The following CEP128 variants were observed in gnomAD, a reference collection of about 807,000 sequenced individuals.
CEP128 encodes the protein centrosomal protein 128.
Under a neutral mutation model 156.7 loss-of-function variants are expected in CEP128, and 132 were observed. That is an observed-to-expected ratio of 0.84 (90% CI 0.73 to 0.97). The LOEUF (loss-of-function observed/expected upper bound fraction) is 0.97. Ranked by LOEUF, CEP128 falls within the 50% of genes least tolerant of loss-of-function variation. The pLI is 0.00. For synonymous variants in CEP128, 469 were observed against 448.9 expected (o/e 1.04, Z -0.57); for missense variants, 1,252 against 1,281.9 (o/e 0.98, Z 0.36).
chr14:80,583,905 T>C (rs566719774), intron 19 of CEP128, among the ~76,000 whole-genome samples: 4 of 152,308 alleles, frequency 2.6e-5, no homozygotes, highest in Admixed American at 2.6e-4. Context: ...ACAACAAATA[T>C]ATGAAGACAT....
In CEP128 at chr14:80,567,001, T is replaced by C. The variant is rs143203257; in HGVS notation, c.2857-7699A>G. Among the ~76,000 whole-genome samples, 30 of 152,258 alleles carry C rather than the reference T, an allele frequency of 2.0e-4. No individual in the cohort carries two copies. In the East Asian group the frequency reaches 4.6e-3, roughly 23 times the overall value. Reference sequence around the variant, plus strand: ...CAGGGAAGCCCAATAATGGTCCTTGTTGCCTGATTTTCAACCTGGGTGTGG... The same window carrying C: ...CAGGGAAGCCCAATAATGGTCCTTGCTGCCTGATTTTCAACCTGGGTGTGG... On this transcript the variant is annotated intron_variant, in intron 20 of 24. Coordinates refer to ENST00000555265, the MANE Select transcript of CEP128 (RefSeq NM_152446.5).
intron 15 of CEP128, among the ~76,000 whole-genome samples, chr14:80,779,674 C>G (rs1265736537): frequency 6.6e-6 from 1 of 152,186 alleles, no homozygotes; most frequent in Non-Finnish European, 1.5e-5. Flanking sequence ...AAGGGGTATT[C>G]AGAACCCCCA....
At chr14:80,592,584 G>T (rs1014790155) in intron 19 of CEP128, among the ~76,000 whole-genome samples, 1 of 152,142 alleles carries the variant, frequency 6.6e-6, no homozygotes, top group East Asian at 1.9e-4. Context: ...AGAGGAGCTG[G>T]TACCATTCCT....
chr14:80,730,448 C>T (rs1444323939), intron 19 of CEP128, among the ~76,000 whole-genome samples: 1 of 152,158 alleles, frequency 6.6e-6, no homozygotes, highest in African/African-American at 2.4e-5. Context: ...AAGGGCAACT[C>T]CTGTACCATT....
chr14:80,816,534 G>T (rs79262411), intron 13 of CEP128, among the ~76,000 whole-genome samples: 6,079 of 152,288 alleles, frequency 0.04, 163 homozygotes, highest in Non-Finnish European at 0.064. Context: ...TGCCCAGCCA[G>T]CACCCTACTT....
intron 23 of CEP128, among the ~76,000 whole-genome samples, chr14:80,524,765 A>G (rs2140258161): frequency 6.6e-6 from 1 of 152,314 alleles, no homozygotes; most frequent in South Asian, 2.1e-4. Context: ...GCTAAAATGT[A>G]TCTGTTTTAA....
At chr14:80,894,671 C>G in intron 8 of CEP128, 1 of 401,334 alleles carries the variant, frequency 2.5e-6, no homozygotes, top group Non-Finnish European at 4.9e-6. Flanking sequence ...AGGCTCTTCA[C>G]AAAAAACTTA....
chr14:80,951,899 A>G (rs1886473667), intron 2 of CEP128, among the ~76,000 whole-genome samples: 1 of 152,122 alleles, frequency 6.6e-6, no homozygotes, highest in Non-Finnish European at 1.5e-5. Flanking sequence ...CACAAGGTAT[A>G]AAGAAGGCCA....
At chr14:80,685,483 T>C (rs1485962852) in intron 19 of CEP128, among the ~76,000 whole-genome samples, 1 of 152,118 alleles carries the variant, frequency 6.6e-6, no homozygotes, top group Non-Finnish European at 1.5e-5. Flanking sequence ...TGCTCATGAA[T>C]TGAAAGAATC....
At position 80,497,282 on chromosome 14, in the gene CEP128, T is replaced by C; in HGVS notation, c.*197A>G. The C allele has an allele frequency of 2.0e-6, 1 of 505,666 alleles. No individual in the cohort carries two copies. The highest frequency in any genetic ancestry group is 3.5e-6 in the Non-Finnish European group (1 of 288,618). 31.3% of individuals were successfully genotyped at this position (505,666 alleles called of 1,614,324 possible). On this transcript the variant is annotated 3_prime_UTR_variant, in exon 25 of 25. Coordinates refer to ENST00000555265, the MANE Select transcript of CEP128 (RefSeq NM_152446.5). ...TGCAAATAAATTAGCTGCACATCAT[T>C]CATGATCTGATATTATTTGGATTGG...
intron 19 of CEP128, among the ~76,000 whole-genome samples, chr14:80,713,373 C>T (rs1490694087): frequency 6.6e-6 from 1 of 152,014 alleles, no homozygotes; most frequent in East Asian, 1.9e-4. Context: ...GAATTTCTTC[C>T]TATCTCCTGG....
At chr14:80,958,529 A>C (rs564486594) in intron 1 of CEP128, among the ~76,000 whole-genome samples, 12 of 152,282 alleles carry the variant, frequency 7.9e-5, no homozygotes, top group African/African-American at 1.4e-4. Flanking sequence ...TATTCATCAG[A>C]TGCAAGAACT....
chr14:80,918,610 A>G (rs965884473), intron 2 of CEP128, among the ~76,000 whole-genome samples: 3 of 152,174 alleles, frequency 2.0e-5, no homozygotes, highest in African/African-American at 7.2e-5. Context: ...CCTCAACACT[A>G]TGTTCTTCCC....
At chr14:80,555,943 G>A (rs1373013481) in intron 21 of CEP128, among the ~76,000 whole-genome samples, 2 of 151,966 alleles carry the variant, frequency 1.3e-5, no homozygotes, top group Non-Finnish European at 2.9e-5. Flanking sequence ...TTAAATGAAT[G>A]TGTCTTCTTT....
At chr14:80,740,554 A>ATAGG (rs1898779241) in intron 19 of CEP128, among the ~76,000 whole-genome samples, 2 of 149,156 alleles carry the variant, frequency 1.3e-5, no homozygotes, top group African/African-American at 4.9e-5. Flanking sequence ...AGACAGACAG[A>ATAGG]TAGATAGAAA....
chr14:80,641,063 T>C (rs988038594), intron 19 of CEP128, among the ~76,000 whole-genome samples: 3 of 152,178 alleles, frequency 2.0e-5, no homozygotes, highest in African/African-American at 4.8e-5. Context: ...TTCACAAACA[T>C]GTTCCCGAGT....
intron 13 of CEP128, among the ~76,000 whole-genome samples, chr14:80,803,333 C>CT (rs1165835702): frequency 7.0e-6 from 1 of 143,128 alleles, no homozygotes; most frequent in Non-Finnish European, 1.5e-5. Flanking sequence ...ATGATACTTT[C>CT]TTCAAAACAA....
In CEP128 at chr14:80,897,279, C is replaced by T. The variant is rs1447762092; in HGVS notation, c.573-1489G>A. 2.6e-5 allele frequency among the ~76,000 whole-genome samples: 4 copies of T among 152,056 alleles called. No individual in the cohort carries two copies. In the South Asian group the frequency reaches 6.2e-4, roughly 24 times the overall value. On this transcript the variant is annotated intron_variant, in intron 7 of 24. Coordinates refer to ENST00000555265, the MANE Select transcript of CEP128 (RefSeq NM_152446.5). ...TCCATCTCAGCTCAGCTCCTTCTAT[C>T]ATAAGATTCCTAAATATTATAACTC...
chr14:80,798,713 C>T (rs1883645184), intron 13 of CEP128, among the ~76,000 whole-genome samples: 1 of 152,172 alleles, frequency 6.6e-6, no homozygotes, highest in South Asian at 2.1e-4. Flanking sequence ...GCTAAGCCTG[C>T]ATTTAAAACA....
Sources: allele counts gnomAD v4.1 joint callset (sites outside exome capture counted in the v4.1 genomes callset), GRCh38; gene constraint gnomAD v4.1.1; transcripts MANE v1.5; gene names NCBI Gene and HGNC (gene_info 2026-07-23, HGNC 2026-07-21).